The following GRAMD1B variants were observed in gnomAD, a reference collection of about 807,000 sequenced individuals.
GRAMD1B encodes protein Aster-B.
GRAMD1B carries 37 observed loss-of-function variants against 99.7 expected under a neutral mutation model. The observed-to-expected ratio is 0.37, with a 90% CI of 0.29 to 0.49. The LOEUF (loss-of-function observed/expected upper bound fraction) is 0.49. Among genes scored for constraint, GRAMD1B ranks in the 20% least tolerant of loss-of-function variants. GRAMD1B has a pLI of 0.98. For synonymous variants in GRAMD1B, 427 were observed against 387.6 expected (o/e 1.10, Z -1.19); for missense variants, 888 against 1,009.2 (o/e 0.88, Z 1.63).
At chr11:123,474,866 A>G (rs1243053241) in intron 1 of GRAMD1B, among the ~76,000 whole-genome samples, 1 of 152,230 alleles carries the variant, frequency 6.6e-6, no homozygotes, top group Non-Finnish European at 1.5e-5. Flanking sequence ...TAGTCTCTGC[A>G]GCCTGGGTGT....
intron 1 of GRAMD1B, among the ~76,000 whole-genome samples, chr11:123,371,520 A>G (rs1946529084): frequency 6.6e-6 from 1 of 152,102 alleles, no homozygotes; most frequent in Non-Finnish European, 1.5e-5. Flanking sequence ...CTCTCACTTT[A>G]TGAACTTTTA....
intron 1 of GRAMD1B, among the ~76,000 whole-genome samples, chr11:123,414,251 G>A (rs1258278195): frequency 1.3e-5 from 2 of 152,108 alleles, no homozygotes; most frequent in Non-Finnish European, 2.9e-5. Flanking sequence ...TGCCATGTTA[G>A]CCAGGCTGGT....
chr11:123,589,554 C>T (rs61906290), intron 4 of GRAMD1B, among the ~76,000 whole-genome samples: 32 of 151,116 alleles, frequency 2.1e-4, no homozygotes, highest in Non-Finnish European at 3.7e-4. Context: ...AGCAATTCTC[C>T]TGCCTCAGCC....
intron 8 of GRAMD1B, among the ~76,000 whole-genome samples, chr11:123,601,760 G>T (rs964272028): frequency 2.0e-5 from 3 of 152,178 alleles, no homozygotes; most frequent in African/African-American, 7.2e-5. Flanking sequence ...ATGTGTTTTA[G>T]TCTCTACTGG....
intron 2 of GRAMD1B, among the ~76,000 whole-genome samples, chr11:123,546,818 G>A (rs1472626377): frequency 1.3e-5 from 2 of 152,090 alleles, no homozygotes; most frequent in Non-Finnish European, 2.9e-5. Flanking sequence ...AGTGGGCAGA[G>A]CTTTCCTAGC....
At chr11:123,533,480 G>A (rs1943633724) in intron 2 of GRAMD1B, among the ~76,000 whole-genome samples, 1 of 151,822 alleles carries the variant, frequency 6.6e-6, no homozygotes, top group African/African-American at 2.4e-5. Flanking sequence ...AGGCTAGAGT[G>A]CAATGGGGCA....
intron 7 of GRAMD1B, among the ~76,000 whole-genome samples, chr11:123,597,568 G>A (rs1951437976): frequency 6.6e-6 from 1 of 152,056 alleles, no homozygotes; most frequent in South Asian, 2.1e-4. Context: ...AACAAAGGAG[G>A]GTGGGGAAAG....
At chr11:123,527,121 T>C (rs1400773268) in intron 2 of GRAMD1B, among the ~76,000 whole-genome samples, 1 of 152,138 alleles carries the variant, frequency 6.6e-6, no homozygotes, top group Admixed American at 6.5e-5. Context: ...AGGATGAGCT[T>C]GGGAGAGCTC....
At chr11:123,435,716 T>C in intron 1 of GRAMD1B, 1 of 391,628 alleles carries the variant, frequency 2.6e-6, no homozygotes, top group Admixed American at 4.1e-5. Context: ...CTCTACTGTT[T>C]AAAGTGAAAT....
chr11:123,434,660 C>T (rs924224325), intron 1 of GRAMD1B, among the ~76,000 whole-genome samples: 5 of 152,036 alleles, frequency 3.3e-5, no homozygotes, highest in Middle Eastern at 3.2e-3. Flanking sequence ...TGGTAGTGCG[C>T]GCCTGTAATC....
At chr11:123,438,700 T>C (rs1248974913) in intron 1 of GRAMD1B, among the ~76,000 whole-genome samples, 2 of 152,138 alleles carry the variant, frequency 1.3e-5, no homozygotes, top group Non-Finnish European at 2.9e-5. Context: ...CAATTACACA[T>C]CAGGTAAGGG....
chr11:123,433,141 G>T (rs1054426906), intron 1 of GRAMD1B, among the ~76,000 whole-genome samples: 2 of 150,850 alleles, frequency 1.3e-5, no homozygotes, highest in Non-Finnish European at 2.9e-5. Context: ...GTCACCTGAG[G>T]TGAGGCGGGA....
chr11:123,396,628 C>A (rs991839947), intron 1 of GRAMD1B, among the ~76,000 whole-genome samples: 3 of 152,214 alleles, frequency 2.0e-5, no homozygotes, highest in Non-Finnish European at 4.4e-5. Context: ...CCATGTGTCC[C>A]ACTGCTCTGC....
rs534730293 is a variant in GRAMD1B at position 123,472,525 on chromosome 11, A to T, written c.375-8291A>T. 2.0e-5 allele frequency among the ~76,000 whole-genome samples: 3 copies of T among 152,316 alleles called. No individual in the cohort carries two copies. In the East Asian group the frequency reaches 5.8e-4, roughly 29 times the overall value. ...AAAATTAAGGACACAGACACACATGAGGAGTGAGTTTAGGAGTGAAGGTTT... is the reference window on the plus strand; with the variant it reads ...AAAATTAAGGACACAGACACACATGTGGAGTGAGTTTAGGAGTGAAGGTTT... On this transcript the variant is annotated intron_variant, in intron 1 of 19. Coordinates refer to ENST00000635736, the MANE Select transcript of GRAMD1B (RefSeq NM_001387025.1).
At chr11:123,376,778 A>G (rs976939933) in intron 1 of GRAMD1B, among the ~76,000 whole-genome samples, 5 of 152,192 alleles carry the variant, frequency 3.3e-5, no homozygotes, top group African/African-American at 1.2e-4. Context: ...ATGTGGGAGA[A>G]CTGGGACCAA....
In GRAMD1B at chr11:123,614,740, C is replaced by G. The variant is rs1161493513; in HGVS notation, c.2228-5C>G. On this transcript the variant is annotated splice_polypyrimidine_tract_variant and splice_region_variant and intron_variant, in intron 16 of 19. Transcript: ENST00000635736. Reference sequence around the variant, plus strand: ...TGGTGATGGTCTCTTTAATTCTCCCCACAGGTTCCACACAGACGCGGCATA... The same window carrying G: ...TGGTGATGGTCTCTTTAATTCTCCCGACAGGTTCCACACAGACGCGGCATA... The G allele has an allele frequency of 6.3e-7, 1 of 1,597,512 alleles. No homozygotes were observed. Among genetic ancestry groups the G allele is most frequent in the Non-Finnish European group, 8.6e-7 (1 of 1,165,222 alleles).
chr11:123,580,061 C>T (rs1230712328), intron 3 of GRAMD1B, among the ~76,000 whole-genome samples: 1 of 152,200 alleles, frequency 6.6e-6, no homozygotes, highest in Non-Finnish European at 1.5e-5. Flanking sequence ...CACTTCCCCA[C>T]CTCATTCTCC....
chr11:123,589,218 A>G (rs1950372094), intron 4 of GRAMD1B, among the ~76,000 whole-genome samples: 1 of 151,828 alleles, frequency 6.6e-6, no homozygotes, highest in African/African-American at 2.4e-5. Context: ...CGGCAAGTGC[A>G]GTAGAAGATA....
intron 7 of GRAMD1B, chr11:123,599,037 T>A: frequency 7.3e-6 from 8 of 1,096,106 alleles, no homozygotes; most frequent in Non-Finnish European, 1.1e-5. Context: ...GAGATCGAGG[T>A]AACGACCATA....
Sources: allele counts gnomAD v4.1 joint callset (sites outside exome capture counted in the v4.1 genomes callset), GRCh38; gene constraint gnomAD v4.1.1; transcripts MANE v1.5; gene names NCBI Gene and HGNC (gene_info 2026-07-23, HGNC 2026-07-21).